Variants in HAAO observed in about 807,000 individuals in gnomAD.
HAAO encodes 3-hydroxyanthranilate 3,4-dioxygenase.
HAAO carries 49 observed loss-of-function variants against 46.2 expected under a neutral mutation model. That is an observed-to-expected ratio of 1.06 (90% confidence interval 0.84 to 1.34). The LOEUF (loss-of-function observed/expected upper bound fraction) is 1.34, where lower values mean the gene tolerates loss of function less well. Among genes scored for constraint, HAAO ranks in the 40% most tolerant of loss-of-function variants. HAAO has a pLI of 0.00. For synonymous variants in HAAO, 157 were observed against 145.2 expected (o/e 1.08, Z -0.58); for missense variants, 408 against 364.5 (o/e 1.12, Z -0.97).
At chr2:42,788,110 G>A (rs537503608) in intron 2 of HAAO, among the ~76,000 whole-genome samples, 1 of 152,278 alleles carries the variant, frequency 6.6e-6, no homozygotes, top group Non-Finnish European at 1.5e-5. Flanking sequence ...ACTCAGCCCA[G>A]CCCTCACCCA....
chr2:42,784,203 GGTGCCAGGGGCT>G (rs1672224812), intron 2 of HAAO, among the ~76,000 whole-genome samples: 1 of 152,116 alleles, frequency 6.6e-6, no homozygotes, highest in African/African-American at 2.4e-5. Flanking sequence ...CCATTTACTG[GGTGCCAGGGGCT>G]GTGCCAGGCA....
chr2:42,773,826 G>A (rs1381317996), intron 4 of HAAO, among the ~76,000 whole-genome samples: 1 of 152,116 alleles, frequency 6.6e-6, no homozygotes, highest in Non-Finnish European at 1.5e-5. Context: ...TCCTGACCTC[G>A]TGATCCACCC....
chr2:42,782,791 C>T (rs188852366), intron 4 of HAAO: 51 of 368,656 alleles, frequency 1.4e-4, no homozygotes, highest in African/African-American at 9.2e-4. Context: ...CCCCTTCCCA[C>T]TTTGAGTCTT....
Position 42,767,222 on chromosome 2 carries a change from G to T in HAAO, c.*215C>A, listed in dbSNP as rs1025579718. 6.5e-6 allele frequency: 4 copies of T among 611,706 alleles called. No individual in the cohort carries two copies. Among genetic ancestry groups the T allele is most frequent in the Non-Finnish European group, 1.2e-5 (4 of 340,206 alleles). The allele number at this position is 611,706 out of a possible 1,614,324, so 37.9% of individuals were successfully genotyped here. ...GGCAAGACTGGCAAGGCAGTGGGCT[G>T]AGTCTGCCAGAGAAGATGGGGAGCT... On this transcript the variant is annotated 3_prime_UTR_variant, in exon 10 of 10. Coordinates refer to ENST00000294973, the MANE Select transcript of HAAO (RefSeq NM_012205.3).
At chr2:42,776,017 TA>T (rs558847839) in intron 4 of HAAO, among the ~76,000 whole-genome samples, 15 of 151,676 alleles carry the variant, frequency 9.9e-5, no homozygotes, top group African/African-American at 3.6e-4. Context: ...TGTCTTTGTT[TA>T]AAAAAAACTT....
At chr2:42,781,621 C>A (rs1672005364) in intron 4 of HAAO, among the ~76,000 whole-genome samples, 1 of 152,166 alleles carries the variant, frequency 6.6e-6, no homozygotes, top group Non-Finnish European at 1.5e-5. Flanking sequence ...GCCTGTAATC[C>A]TAGCACTTTG....
rs1386540093 is a variant in HAAO, at chr2:42,783,408, G to T, written c.256C>A (p.Pro86Thr). ...TGTGGTGAGTGGGGCACCCTGGCAG[G>T]CAGGAGGAATATCTGCAGTGGTAGA... ...VIRQGEIFLL[P>T]ARVPHSPQRF... is the part of the protein sequence containing the mutation. Residue 86 changes from proline (P) to threonine (T), a missense_variant, in exon 4 of 10, where the codon CCT (proline) becomes ACT (threonine). Pro to Thr is a conservative substitution (Grantham distance 38). Transcript: ENST00000294973. The T allele has an allele frequency of 1.9e-6, 3 of 1,607,670 alleles. No homozygotes were observed. The highest frequency in any genetic ancestry group is 2.6e-6 in the Non-Finnish European group (3 of 1,174,672).
intron 4 of HAAO, among the ~76,000 whole-genome samples, chr2:42,776,361 C>A (rs1671578408): frequency 6.7e-6 from 1 of 150,190 alleles, no homozygotes; most frequent in Non-Finnish European, 1.5e-5. Flanking sequence ...TGCTCAGCTT[C>A]CCTAGTAGCT....
At position 42,786,028 on chromosome 2, in the gene HAAO, TGTG is replaced by T. The variant is rs1558674626; in HGVS notation, c.160-2164_160-2162del. On this transcript the variant is annotated intron_variant, in intron 2 of 9. Coordinates refer to ENST00000294973, the MANE Select transcript of HAAO (RefSeq NM_012205.3). The stretch of plus-strand genomic sequence containing the variant: ...AAGCCTCTGTGTGTGTGTGTGTGTG[TGTG>T]TGTGTGTGTGTGTGTGTGTGTGTGT... Among the ~76,000 whole-genome samples the T allele has an allele frequency of 4.9e-3, 481 of 97,932 alleles. 19 individuals carry two copies. Among genetic ancestry groups the T allele is most frequent in the East Asian group, 1.5e-3 (7 of 4,596 alleles). 64.2% of individuals were successfully genotyped at this position (97,932 alleles called of 152,430 possible). A position where few individuals can be genotyped will look rare whatever the true frequency, so the allele number is the denominator to read the frequency against.
At chr2:42,783,690 G>T in intron 3 of HAAO, 94 bp downstream of exon 3, 1 of 1,087,890 alleles carries the variant, frequency 9.2e-7, no homozygotes, top group Non-Finnish European at 1.4e-6. Context: ...AGGTAGGGAG[G>T]ACAAGACCTC....
rs775743901 is a variant in HAAO, at chr2:42,767,798, G to C, written c.699+62C>G. 1.9e-6 allele frequency: 3 copies of C among 1,577,448 alleles called. No homozygotes were observed. The African/African-American group carries it at 4.0e-5, about 21-fold the overall frequency. The stretch of plus-strand genomic sequence containing the variant: ...GGGCCCCGTGTGGGAGCCCAGGGCC[G>C]AGGAGCGGGCTGATGCCCTCTGGCA... On this transcript the variant is annotated intron_variant, in intron 8 of 9. Transcript: ENST00000294973.
intron 7 of HAAO, 71 bp downstream of exon 7, chr2:42,769,640 TGA>T: frequency 4.1e-6 from 5 of 1,223,804 alleles, no homozygotes; most frequent in African/African-American, 1.5e-5. Flanking sequence ...AGAGAGGCAG[TGA>T]GAGAGAGACT....
chr2:42,769,214 C>T (rs1422449022), intron 7 of HAAO, among the ~76,000 whole-genome samples: 4 of 152,202 alleles, frequency 2.6e-5, no homozygotes, highest in Non-Finnish European at 4.4e-5. Flanking sequence ...CAACTCTATC[C>T]TACTCTCCCA....
At chr2:42,792,215 C>G (rs1672857191) in intron 1 of HAAO, among the ~76,000 whole-genome samples, 1 of 152,146 alleles carries the variant, frequency 6.6e-6, no homozygotes, top group Non-Finnish European at 1.5e-5. Flanking sequence ...ATGTCATCTC[C>G]TACAGCCTGA....
chr2:42,791,016 C>T (rs1255031296), intron 1 of HAAO, among the ~76,000 whole-genome samples: 1 of 152,156 alleles, frequency 6.6e-6, no homozygotes, highest in Non-Finnish European at 1.5e-5. Flanking sequence ...AGCTTCTCAC[C>T]TTGCTGAATA....
chr2:42,785,969 T>G (rs1167213612), intron 2 of HAAO, among the ~76,000 whole-genome samples: 1 of 151,720 alleles, frequency 6.6e-6, no homozygotes, highest in Admixed American at 6.6e-5. Context: ...AGCATTTCAG[T>G]ATGCTCTCCT....
At chr2:42,780,542 T>A (rs906133569) in intron 4 of HAAO, among the ~76,000 whole-genome samples, 3 of 151,852 alleles carry the variant, frequency 2.0e-5, no homozygotes, top group African/African-American at 4.8e-5. Flanking sequence ...TCTGATAACT[T>A]TGGAGATTGT....
intron 4 of HAAO, among the ~76,000 whole-genome samples, chr2:42,781,418 AG>A (rs1573937275): frequency 1.3e-5 from 2 of 152,160 alleles, no homozygotes; most frequent in East Asian, 3.9e-4. Context: ...ACACGCCCAA[AG>A]GCCTCAAGTT....
chr2:42,776,571 C>T (rs557329260), intron 4 of HAAO, among the ~76,000 whole-genome samples: 10 of 150,604 alleles, frequency 6.6e-5, no homozygotes, highest in South Asian at 6.3e-4. Flanking sequence ...TAGCACCATC[C>T]GACTTCTCTC....
Sources: gnomAD v4.1 joint callset for allele counts (sites outside exome capture counted in the v4.1 genomes callset) on GRCh38, gnomAD v4.1.1 for gene constraint, MANE v1.5 for transcripts, NCBI Gene and HGNC (gene_info 2026-07-23, HGNC 2026-07-21) for gene names.